The following ALCAM variants were observed in gnomAD, a reference collection of about 807,000 sequenced individuals.
The protein encoded by ALCAM is CD166 antigen.
ALCAM carries 30 observed loss-of-function variants against 70.9 expected under a neutral mutation model. The observed-to-expected ratio is 0.42, with a 90% CI of 0.32 to 0.57. The LOEUF (loss-of-function observed/expected upper bound fraction) is 0.57. ALCAM is among the 20% of genes least tolerant of loss of function. The pLI is 0.11. For missense variants in ALCAM, 591 were observed against 695.1 expected, an observed-to-expected ratio of 0.85 and a Z score of 1.68; for synonymous variants, 249 against 242.5, an observed-to-expected ratio of 1.03 and a Z score of -0.25.
chr3:105,376,571 C>G (rs369223587), intron 1 of ALCAM, among the ~76,000 whole-genome samples: 6 of 152,304 alleles, frequency 3.9e-5, no homozygotes, highest in Non-Finnish European at 7.4e-5. Flanking sequence ...ACTATACATT[C>G]AAGATCCTAT....
intron 1 of ALCAM, among the ~76,000 whole-genome samples, chr3:105,405,647 A>C (rs761684005): frequency 2.0e-5 from 3 of 152,208 alleles, no homozygotes; most frequent in African/African-American, 7.2e-5. Context: ...CAGATGATAT[A>C]ATAGGCCACA....
chr3:105,407,146 T>C (rs1207914808), intron 1 of ALCAM, among the ~76,000 whole-genome samples: 1 of 151,932 alleles, frequency 6.6e-6, no homozygotes, highest in Non-Finnish European at 1.5e-5. Context: ...TTGGCACCAA[T>C]CCTAATGACA....
At position 105,552,796 on chromosome 3, in the gene ALCAM, C is replaced by G; in HGVS notation, c.1664+211C>G. On this transcript the variant is annotated intron_variant, in intron 14 of 15. Coordinates refer to ENST00000306107, the MANE Select transcript of ALCAM (RefSeq NM_001627.4). Reference sequence around the variant, plus strand: ...GCTTGGGATACTGTTTCACATGTGTCCGTTTATTTGTCTCAATCAATAGCC... The same window carrying G: ...GCTTGGGATACTGTTTCACATGTGTGCGTTTATTTGTCTCAATCAATAGCC... 4.4e-6 allele frequency: 6 copies of G among 1,358,806 alleles called. 1 individual carries two copies. The South Asian group carries it at 1.0e-4, about 23-fold the overall frequency. 84.2% of individuals were successfully genotyped at this position (1,358,806 alleles called of 1,614,324 possible). A position where few individuals can be genotyped will look rare whatever the true frequency, so the allele number is the denominator to read the frequency against.
intron 3 of ALCAM, among the ~76,000 whole-genome samples, chr3:105,531,073 C>T (rs1245680447): frequency 6.6e-6 from 1 of 151,944 alleles, no homozygotes; most frequent in Non-Finnish European, 1.5e-5. Context: ...AATTTTGGTC[C>T]ATGAGACTCA....
chr3:105,372,608 A>C (rs1935263318), intron 1 of ALCAM, among the ~76,000 whole-genome samples: 1 of 152,078 alleles, frequency 6.6e-6, no homozygotes, highest in African/African-American at 2.4e-5. Context: ...AGGATTACTT[A>C]ATTTGACTTT....
intron 1 of ALCAM, among the ~76,000 whole-genome samples, chr3:105,368,263 G>GAGAGAGAGAGAGAGAA (rs1412428456): frequency 7.0e-6 from 1 of 143,448 alleles, no homozygotes; most frequent in Non-Finnish European, 1.6e-5. Flanking sequence ...GAGAGAGAGA[G>GAGAGAGAGAGAGAGAA]AAAAGGCAAA....
intron 1 of ALCAM, among the ~76,000 whole-genome samples, chr3:105,471,822 T>C (rs1313156413): frequency 6.6e-6 from 1 of 151,278 alleles, no homozygotes; most frequent in Non-Finnish European, 1.5e-5. Context: ...TCCACTCTCT[T>C]AGCATTTTTC....
intron 1 of ALCAM, among the ~76,000 whole-genome samples, chr3:105,422,304 C>G (rs1936688767): frequency 6.6e-6 from 1 of 151,316 alleles, no homozygotes; most frequent in Admixed American, 6.6e-5. Context: ...ATAAACATAC[C>G]TGTGCACATG....
chr3:105,378,325 A>G (rs1202000007), intron 1 of ALCAM, among the ~76,000 whole-genome samples: 1 of 152,028 alleles, frequency 6.6e-6, no homozygotes, highest in East Asian at 1.9e-4. Context: ...ACATACTGTA[A>G]TTTAATGAGT....
intron 1 of ALCAM, among the ~76,000 whole-genome samples, chr3:105,501,330 A>T (rs143407743): frequency 4.6e-5 from 7 of 152,302 alleles, no homozygotes; most frequent in African/African-American, 1.7e-4. Flanking sequence ...TGAAAGTCTC[A>T]CTGAATTATA....
intron 6 of ALCAM, among the ~76,000 whole-genome samples, chr3:105,536,049 A>C (rs538204230): frequency 2.0e-5 from 3 of 151,920 alleles, no homozygotes; most frequent in African/African-American, 7.2e-5. Flanking sequence ...TGTATAGCTT[A>C]TCTAAAATCA....
chr3:105,386,706 G>A (rs1005304623), intron 1 of ALCAM, among the ~76,000 whole-genome samples: 1 of 151,074 alleles, frequency 6.6e-6, no homozygotes, highest in African/African-American at 2.4e-5. Context: ...TGAATTGAAG[G>A]TTTTTTCATT....
At chr3:105,504,642 C>T (rs1314997349) in intron 1 of ALCAM, among the ~76,000 whole-genome samples, 2 of 152,194 alleles carry the variant, frequency 1.3e-5, no homozygotes, top group Non-Finnish European at 2.9e-5. Flanking sequence ...TTGTTCCCCC[C>T]ACCTTCCCCC....
intron 3 of ALCAM, chr3:105,531,222 G>T (rs1939831382): frequency 6.6e-6 from 1 of 151,986 alleles, no homozygotes; most frequent in African/African-American, 2.4e-5. Flanking sequence ...ATAATAAATT[G>T]TTGCTGCAAC....
At chr3:105,388,563 A>G (rs1935717856) in intron 1 of ALCAM, among the ~76,000 whole-genome samples, 1 of 151,604 alleles carries the variant, frequency 6.6e-6, no homozygotes, top group African/African-American at 2.4e-5. Flanking sequence ...TTAGTAATAA[A>G]TGCAACATTT....
intron 1 of ALCAM, among the ~76,000 whole-genome samples, chr3:105,431,688 C>T (rs1034068343): frequency 2.0e-5 from 3 of 152,038 alleles, no homozygotes. Context: ...ATCTACCATG[C>T]ATTAACTATA....
At chr3:105,441,149 G>A (rs976495687) in intron 1 of ALCAM, among the ~76,000 whole-genome samples, 1 of 152,078 alleles carries the variant, frequency 6.6e-6, no homozygotes, top group Non-Finnish European at 1.5e-5. Flanking sequence ...AAGGCCAATG[G>A]CACTTCGTGA....
intron 1 of ALCAM, among the ~76,000 whole-genome samples, chr3:105,382,659 G>T (rs993192252): frequency 6.6e-6 from 1 of 151,982 alleles, no homozygotes; most frequent in Non-Finnish European, 1.5e-5. Context: ...GTATCTCATT[G>T]TGGTTTTGAT....
intron 1 of ALCAM, among the ~76,000 whole-genome samples, chr3:105,497,314 CT>C (rs767233049): frequency 4.4e-4 from 67 of 152,112 alleles, no homozygotes; most frequent in Non-Finnish European, 8.4e-4. Context: ...TGATAAGGAA[CT>C]TTAAGTTCTT....
Sources: gnomAD v4.1 joint callset for allele counts (sites outside exome capture counted in the v4.1 genomes callset) on GRCh38, gnomAD v4.1.1 for gene constraint, MANE v1.5 for transcripts, NCBI Gene and HGNC (gene_info 2026-07-23, HGNC 2026-07-21) for gene names.